The following ASIC2 variants were observed in gnomAD, a reference collection of about 807,000 sequenced individuals.
ASIC2 encodes acid sensing ion channel subunit 2.
In ASIC2, 25 loss-of-function variants were observed where a neutral mutation model predicts 57.3. The ratio of observed to expected loss-of-function variants is 0.44; its 90% CI spans 0.32 to 0.61. ASIC2 has a LOEUF of 0.61. ASIC2 is among the 20% of genes least tolerant of loss of function. The pLI is 0.06. For missense variants in ASIC2, 641 were observed against 738.1 expected (o/e 0.87, Z 1.52); for synonymous variants, 319 against 307.5 (o/e 1.04, Z -0.39).
intron 1 of ASIC2, among the ~76,000 whole-genome samples, chr17:33,878,200 C>T (rs1347732400): frequency 2.0e-5 from 3 of 152,286 alleles, no homozygotes; most frequent in East Asian, 1.9e-4. Context: ...AATCAGAGCG[C>T]CTCTCCTCCT....
chr17:33,322,089 T>C (rs185521295), intron 1 of ASIC2, among the ~76,000 whole-genome samples: 4 of 152,286 alleles, frequency 2.6e-5, no homozygotes, highest in Non-Finnish European at 5.9e-5. Flanking sequence ...CGGTCCAGAA[T>C]GAATGAACCC....
intron 1 of ASIC2, among the ~76,000 whole-genome samples, chr17:33,904,189 A>T (rs1194429134): frequency 1.4e-5 from 2 of 143,530 alleles, no homozygotes; most frequent in African/African-American, 5.2e-5. Flanking sequence ...AAAAAAAAAG[A>T]ATTATAGCTA....
At chr17:33,564,583 C>T (rs4794958) in intron 1 of ASIC2, among the ~76,000 whole-genome samples, 81,102 of 152,086 alleles carry the variant, frequency 0.53, 23,024 homozygotes, top group African/African-American at 0.74. Context: ...CTATCCATGC[C>T]CCTGAGGAGC....
intron 1 of ASIC2, among the ~76,000 whole-genome samples, chr17:34,099,771 AAAGAAAGAAAGAAAGAAAGAAAG>A (rs1910781505): frequency 2.3e-5 from 1 of 43,160 alleles, no homozygotes; most frequent in African/African-American, 9.5e-5. Context: ...AGAAAGAAAG[AAAGAAAGAAAGAAAGAAAGAAAG>A]AAAGAAAGAA....
chr17:33,400,804 C>T (rs1404722142), intron 1 of ASIC2, among the ~76,000 whole-genome samples: 4 of 152,176 alleles, frequency 2.6e-5, no homozygotes, highest in Non-Finnish European at 5.9e-5. Context: ...CTACCTGCCC[C>T]CTATCCCTGC....
At chr17:33,612,969 G>A (rs745434131) in intron 1 of ASIC2, among the ~76,000 whole-genome samples, 1 of 152,154 alleles carries the variant, frequency 6.6e-6, no homozygotes, top group South Asian at 2.1e-4. Flanking sequence ...GAGTTAATGG[G>A]ACCATCTGAG....
At chr17:34,018,449 A>G (rs1907043450) in intron 1 of ASIC2, among the ~76,000 whole-genome samples, 1 of 152,234 alleles carries the variant, frequency 6.6e-6, no homozygotes, top group African/African-American at 2.4e-5. Context: ...GCAGCCCATG[A>G]ATCAAAGAGT....
At chr17:33,558,228 G>A (rs1467673906) in intron 1 of ASIC2, among the ~76,000 whole-genome samples, 3 of 151,450 alleles carry the variant, frequency 2.0e-5, no homozygotes, top group African/African-American at 4.8e-5. Context: ...CTACCAGTCC[G>A]ACCCTGTGGG....
intron 1 of ASIC2, among the ~76,000 whole-genome samples, chr17:33,610,194 G>C (rs1475090945): frequency 6.6e-6 from 1 of 152,110 alleles, no homozygotes; most frequent in Non-Finnish European, 1.5e-5. Flanking sequence ...GTCTGGCTCT[G>C]TTGCCCACGC....
chr17:33,922,048 C>T (rs1311515173), intron 1 of ASIC2, among the ~76,000 whole-genome samples: 1 of 152,198 alleles, frequency 6.6e-6, no homozygotes, highest in Admixed American at 6.5e-5. Context: ...CCACTTTGCA[C>T]TGTCAAAGTC....
chr17:33,128,453 G>C (rs968140225), intron 1 of ASIC2, among the ~76,000 whole-genome samples: 5 of 152,214 alleles, frequency 3.3e-5, no homozygotes, highest in African/African-American at 1.2e-4. Flanking sequence ...GCAGAATGGG[G>C]ATGGAGACTT....
chr17:33,386,664 C>A (rs1272523418), intron 1 of ASIC2, among the ~76,000 whole-genome samples: 2 of 152,176 alleles, frequency 1.3e-5, no homozygotes, highest in Non-Finnish European at 2.9e-5. Flanking sequence ...TGTTGGGTCA[C>A]ATACGCCCCT....
chr17:33,149,799 A>G (rs547525768), intron 1 of ASIC2, among the ~76,000 whole-genome samples: 1 of 152,120 alleles, frequency 6.6e-6, no homozygotes, highest in Non-Finnish European at 1.5e-5. Flanking sequence ...TCATATTTTA[A>G]TTAGCCATCT....
intron 1 of ASIC2, among the ~76,000 whole-genome samples, chr17:34,125,660 G>T (rs188521821): frequency 2.0e-5 from 3 of 152,116 alleles, no homozygotes; most frequent in Non-Finnish European, 4.4e-5. Context: ...TGAGTAAGAC[G>T]ATCTGTAGGA....
At chr17:33,286,664 G>A (rs1905210052) in intron 1 of ASIC2, among the ~76,000 whole-genome samples, 1 of 151,982 alleles carries the variant, frequency 6.6e-6, no homozygotes, top group African/African-American at 2.4e-5. Flanking sequence ...TTCTACTTTG[G>A]AGCTTCTACT....
chr17:33,974,875 C>A (rs1298537696), intron 1 of ASIC2, among the ~76,000 whole-genome samples: 4 of 152,142 alleles, frequency 2.6e-5, no homozygotes, highest in African/African-American at 4.8e-5. Context: ...TGCAGCCCCA[C>A]CCTCATCCCT....
intron 1 of ASIC2, among the ~76,000 whole-genome samples, chr17:33,183,307 T>C (rs1906059541): frequency 6.6e-6 from 1 of 152,272 alleles, no homozygotes; most frequent in Non-Finnish European, 1.5e-5. Context: ...TCAAATGTTA[T>C]ATAAATTACC....
At chr17:33,969,162 G>T (rs1013435158) in intron 1 of ASIC2, among the ~76,000 whole-genome samples, 2 of 152,140 alleles carry the variant, frequency 1.3e-5, no homozygotes, top group African/African-American at 4.8e-5. Flanking sequence ...AGTAAGATTA[G>T]GCATAAGATG....
chr17:33,254,091 A>T (rs917974034), intron 1 of ASIC2, among the ~76,000 whole-genome samples: 2 of 152,196 alleles, frequency 1.3e-5, no homozygotes, highest in African/African-American at 2.4e-5. Context: ...TTTCATTAAC[A>T]TGCACTCTGG....
Sources: allele counts gnomAD v4.1 joint callset (sites outside exome capture counted in the v4.1 genomes callset), GRCh38; gene constraint gnomAD v4.1.1; transcripts MANE v1.5; gene names NCBI Gene and HGNC (gene_info 2026-07-23, HGNC 2026-07-21).